Variants in ZNF536 observed in about 807,000 individuals in gnomAD.
The protein encoded by ZNF536 is zinc finger protein 536.
A neutral mutation model predicts 84.5 loss-of-function variants in ZNF536; 13 were observed. That is an observed-to-expected ratio of 0.15 (90% confidence interval 0.10 to 0.24). The LOEUF (loss-of-function observed/expected upper bound fraction) is 0.24. ZNF536 is among the 10% of genes least tolerant of loss of function. The pLI is 1.00. For synonymous variants in ZNF536, 811 were observed against 742.5 expected (o/e 1.09, Z -1.50); for missense variants, 1,536 against 1,747.5 (o/e 0.88, Z 2.16).
chr19:30,439,933 T>G (rs2051941212), intron 1 of ZNF536, among the ~76,000 whole-genome samples: 1 of 151,276 alleles, frequency 6.6e-6, no homozygotes, highest in Non-Finnish European at 1.5e-5. Flanking sequence ...CTTTTGTTTC[T>G]TTCTTTCTTT....
chr19:30,445,769 C>T lies in ZNF536; in HGVS notation c.2170+37C>T, dbSNP rs1288499734. The T allele has an allele frequency of 6.6e-7, 1 of 1,524,004 alleles. No homozygotes were observed. Among genetic ancestry groups the T allele is most frequent in the Non-Finnish European group, 8.8e-7 (1 of 1,137,396 alleles). The allele number at this position is 1,524,004 out of a possible 1,614,324, so 94.4% of individuals were successfully genotyped here. On this transcript the variant is annotated intron_variant, in intron 2 of 4. Transcript: ENST00000355537. This position sits in a 1 kb window ranked among gnomAD's most constrained non-coding sequence, Gnocchi z 4.5. ...GAGAAGCGGGGAGAAGCAGCTTGTA[C>T]AGCAGCCCTGCTCAGGGCTGCCTGG...
chr19:30,305,821 G>A (rs938745218), intron 2 of ZNF536, among the ~76,000 whole-genome samples: 6 of 152,224 alleles, frequency 3.9e-5, no homozygotes, highest in African/African-American at 9.6e-5. Flanking sequence ...GCTGGGCTTC[G>A]GCAGGAGGGG....
At chr19:30,647,368 TTTAAAAGG>T (rs1454791536) in intron 1 of ZNF536, among the ~76,000 whole-genome samples, 8 of 152,300 alleles carry the variant, frequency 5.3e-5, no homozygotes, top group Admixed American at 2.6e-4. Context: ...CCTGGGTGTT[TTTAAAAGG>T]TATTTGCTAA....
At chr19:30,461,701 G>C (rs1481141460) in intron 2 of ZNF536, among the ~76,000 whole-genome samples, 1 of 152,214 alleles carries the variant, frequency 6.6e-6, no homozygotes, top group Non-Finnish European at 1.5e-5. Context: ...TGGGCTGCCC[G>C]GCTCTCCGCC....
At chr19:30,393,642 G>C (rs1215642817) in intron 1 of ZNF536, among the ~76,000 whole-genome samples, 9 of 152,156 alleles carry the variant, frequency 5.9e-5, no homozygotes, top group Non-Finnish European at 1.3e-4. Context: ...TCTCAGGGAA[G>C]AGCGTTCCAG....
In ZNF536 at chr19:30,452,460, C is replaced by G. The variant is rs148819586; in HGVS notation, c.2170+6728C>G. Among the ~76,000 whole-genome samples, 1,282 of 152,324 alleles carry G rather than the reference C, an allele frequency of 8.4e-3. 7 individuals are homozygous for G. Among genetic ancestry groups the G allele is most frequent in the Non-Finnish European group, 0.011 (749 of 68,032 alleles). On this transcript the variant is annotated intron_variant, in intron 2 of 4. Coordinates refer to ENST00000355537, the MANE Select transcript of ZNF536 (RefSeq NM_014717.3). ...CCTGAGAAGTTTCTGGCAGGTAGCC[C>G]TGATGTCTCAAAGGGGTGGGGACAG...
Position 30,528,757 on chromosome 19 carries a change from C to T in ZNF536, c.2171-6090C>T, listed in dbSNP as rs151018439. On this transcript the variant is annotated intron_variant, in intron 2 of 4. Coordinates refer to ENST00000355537, the MANE Select transcript of ZNF536 (RefSeq NM_014717.3). Reference sequence around the variant, plus strand: ...CCTTCATCTGTTGGCCAAAACTGACCACCTGTCCTCAGCTTAGTGCAAGAG... The same window carrying T: ...CCTTCATCTGTTGGCCAAAACTGACTACCTGTCCTCAGCTTAGTGCAAGAG... Among the ~76,000 whole-genome samples the T allele has an allele frequency of 2.0e-3, 310 of 152,170 alleles. 6 individuals are homozygous for T. The East Asian group carries it at 0.049, about 24-fold the overall frequency.
chr19:30,248,919 G>A (rs901115428), intron 1 of ZNF536, among the ~76,000 whole-genome samples: 2 of 152,294 alleles, frequency 1.3e-5, no homozygotes, highest in Non-Finnish European at 2.9e-5. Flanking sequence ...TCACTACTGT[G>A]TGCAGATTTC....
At chr19:30,292,235 C>T (rs1252840778) in intron 2 of ZNF536, among the ~76,000 whole-genome samples, 1 of 152,176 alleles carries the variant, frequency 6.6e-6, no homozygotes, top group African/African-American at 2.4e-5. Context: ...ACACATGTAC[C>T]TGTCTGTGTG....
intron 3 of ZNF536, among the ~76,000 whole-genome samples, chr19:30,364,231 A>G (rs1048912602): frequency 2.6e-5 from 4 of 152,212 alleles, no homozygotes; most frequent in Admixed American, 6.5e-5. Context: ...AATGGGAGAA[A>G]GAGAGTCACC....
At chr19:30,441,421 GC>G (rs1471342343) in intron 1 of ZNF536, among the ~76,000 whole-genome samples, 1 of 152,236 alleles carries the variant, frequency 6.6e-6, no homozygotes, top group Non-Finnish European at 1.5e-5. Context: ...TCTGCCTGGA[GC>G]CTCCAGCAAC....
At chr19:30,468,050 C>T (rs915193763) in intron 2 of ZNF536, among the ~76,000 whole-genome samples, 15 of 152,334 alleles carry the variant, frequency 9.8e-5, no homozygotes, top group Middle Eastern at 3.4e-3. Context: ...CAAACAGGCA[C>T]CAGCGCCCCG....
At chr19:30,708,380 G>C (rs1022871001) in intron 1 of ZNF536, among the ~76,000 whole-genome samples, 1 of 152,234 alleles carries the variant, frequency 6.6e-6, no homozygotes, top group Non-Finnish European at 1.5e-5. Context: ...GGCAAAAGGG[G>C]TTGTGCTGTA....
At chr19:30,524,766 G>GT (rs200801029) in intron 2 of ZNF536, among the ~76,000 whole-genome samples, 25 of 149,048 alleles carry the variant, frequency 1.7e-4, no homozygotes, top group African/African-American at 5.6e-4. Context: ...AAGCTATAGT[G>GT]TTCTTTTTTT....
rs138208017 is a variant in ZNF536, at chr19:30,537,364, C to A, written c.2323+2365C>A. On this transcript the variant is annotated intron_variant, in intron 3 of 4. Coordinates refer to ENST00000355537, the MANE Select transcript of ZNF536 (RefSeq NM_014717.3). ...AGGATACGGGAGGTGGTCCACAGGGCACCCATGCTTGAGCTGCCTGCAGGA... is the reference window on the plus strand; with the variant it reads ...AGGATACGGGAGGTGGTCCACAGGGAACCCATGCTTGAGCTGCCTGCAGGA... 4.2e-3 allele frequency among the ~76,000 whole-genome samples: 638 copies of A among 152,286 alleles called. 1 individual carries two copies. The highest frequency in any genetic ancestry group is 6.8e-3 in the Middle Eastern group (2 of 294).
At chr19:30,564,564 C>T (rs1005715274) in intron 1 of ZNF536, among the ~76,000 whole-genome samples, 3 of 152,020 alleles carry the variant, frequency 2.0e-5, no homozygotes, top group African/African-American at 7.2e-5. Flanking sequence ...GAAGGGTGCT[C>T]AGTGGCTGTG....
intron 1 of ZNF536, among the ~76,000 whole-genome samples, chr19:30,384,296 TTCCCCTCCCCTCCCCTCCCTTCCCC>T (rs1405872865): frequency 5.3e-4 from 4 of 7,578 alleles, no homozygotes; most frequent in Admixed American, 2.3e-3. Context: ...TTCCCTTTCC[TTCCCCTCCCCTCCCCTCCCTTCCCC>T]TCCCCTCCCC....
chr19:30,613,320 C>T (rs895833469), intron 1 of ZNF536, among the ~76,000 whole-genome samples: 1 of 152,140 alleles, frequency 6.6e-6, no homozygotes, highest in Admixed American at 6.5e-5. Context: ...TGCTCACTAA[C>T]GTTTATATCC....
intron 1 of ZNF536, among the ~76,000 whole-genome samples, chr19:30,251,880 A>G (rs1037554057): frequency 6.6e-6 from 1 of 152,172 alleles, no homozygotes; most frequent in Non-Finnish European, 1.5e-5. Context: ...ATAGTCTTCA[A>G]TCCCATCCAG....
Sources: allele counts gnomAD v4.1 joint callset (sites outside exome capture counted in the v4.1 genomes callset), GRCh38; gene constraint gnomAD v4.1.1; non-coding constraint Gnocchi (gnomAD v3.1); transcripts MANE v1.5; gene names NCBI Gene and HGNC (gene_info 2026-07-23, HGNC 2026-07-21).